The following WBP2NL variants were observed in gnomAD, a reference collection of about 807,000 sequenced individuals.
WBP2NL encodes postacrosomal sheath WW domain-binding protein.
WBP2NL carries 27 observed loss-of-function variants against 23.3 expected under a neutral mutation model. That is an observed-to-expected ratio of 1.16 (90% CI 0.85 to 1.60). The LOEUF (loss-of-function observed/expected upper bound fraction) is 1.60, where lower values mean the gene tolerates loss of function less well. WBP2NL is among the 40% of genes most tolerant of loss of function. The pLI is 0.00. For synonymous variants in WBP2NL, 151 were observed against 145.9 expected, an observed-to-expected ratio of 1.03 and a Z score of -0.25; for missense variants, 370 against 389.5, an observed-to-expected ratio of 0.95 and a Z score of 0.42.
At chr22:42,001,731 C>T in intron 1 of WBP2NL, 1 of 1,210,912 alleles carries the variant, frequency 8.3e-7, no homozygotes, top group South Asian at 1.2e-5. Context: ...GGGGAAGTAT[C>T]TGATGACACT....
chr22:42,017,837 C>T (rs1923455053), intron 1 of WBP2NL, among the ~76,000 whole-genome samples: 1 of 151,572 alleles, frequency 6.6e-6, no homozygotes, highest in African/African-American at 2.4e-5. Context: ...CATGGTGAAA[C>T]CTCATCTCTA....
chr22:42,002,438 G>A (rs1332218341), intron 1 of WBP2NL, among the ~76,000 whole-genome samples: 2 of 152,080 alleles, frequency 1.3e-5, no homozygotes, highest in Non-Finnish European at 2.9e-5. Context: ...ACAAAAATTA[G>A]CCAGGCATGG....
rs754303675 is a variant in WBP2NL, at chr22:42,022,372, G to C, written c.514+16G>C. ...CCTTGTTCAGGTAAGGTATGGCAGA[G>C]AGGTTCTTCCTGGAAGGTGGAAAAT... is the stretch of plus-strand genomic sequence containing the variant. On this transcript the variant is annotated intron_variant, in intron 5 of 5. Coordinates refer to ENST00000328823, the MANE Select transcript of WBP2NL (RefSeq NM_152613.3). 2 of 1,592,564 alleles carry C rather than the reference G, an allele frequency of 1.3e-6. No individual in the cohort carries two copies. Among genetic ancestry groups the C allele is most frequent in the East Asian group, 4.5e-5 (2 of 44,458 alleles).
intron 5 of WBP2NL, among the ~76,000 whole-genome samples, chr22:42,022,968 T>G (rs1351132697): frequency 6.6e-6 from 1 of 152,206 alleles, no homozygotes; most frequent in Non-Finnish European, 1.5e-5. Context: ...TTTGTAACCT[T>G]AATAGGTACC....
At chr22:42,057,171 C>A (rs1326819703) in intron 8 of WBP2NL, among the ~76,000 whole-genome samples, 3 of 152,168 alleles carry the variant, frequency 2.0e-5, no homozygotes, top group African/African-American at 7.2e-5. Context: ...TATATGGGTA[C>A]ATTTGGTGGT....
chr22:42,019,450 TTAACTC>T, intron 2 of WBP2NL, 31 bp downstream of exon 2: 3 of 1,598,432 alleles, frequency 1.9e-6, no homozygotes, highest in Non-Finnish European at 2.6e-6. Context: ...AATCTGCTGA[TTAACTC>T]TACATTTGTT....
At position 42,027,650 on chromosome 22, in the gene WBP2NL, T is replaced by TA. The variant is rs1243147193; in HGVS notation, c.*470dup. 1.8e-5 allele frequency: 5 copies of TA among 280,586 alleles called. No homozygotes were observed. Among genetic ancestry groups the TA allele is most frequent in the Non-Finnish European group, 2.6e-5 (4 of 152,770 alleles). 17.4% of individuals were successfully genotyped at this position (280,586 alleles called of 1,614,324 possible). A position where few individuals can be genotyped will look rare whatever the true frequency, so the allele number is the denominator to read the frequency against. ...ACGGTGGATCCACAAAATGGAGTAT[T>TA]ATACACCTGTTGAAAACTATGTCTA... On this transcript the variant is annotated 3_prime_UTR_variant, in exon 6 of 6. Coordinates refer to ENST00000328823, the MANE Select transcript of WBP2NL (RefSeq NM_152613.3).
intron 1 of WBP2NL, 64 bp from the exon 2 acceptor site, chr22:42,019,247 A>G (rs1422909658): frequency 2.6e-5 from 39 of 1,495,356 alleles, no homozygotes; most frequent in Non-Finnish European, 3.6e-5. Flanking sequence ...TGCGTTAAGA[A>G]CTTTATGTGT....
intron 1 of WBP2NL, chr22:42,001,292 C>G: frequency 2.9e-6 from 2 of 688,236 alleles, no homozygotes; most frequent in East Asian, 5.0e-5. Context: ...GGAAGTCAAC[C>G]CAGCAACGGC....
chr22:42,019,838 C>G lies in WBP2NL; in HGVS notation c.313+35C>G, dbSNP rs777045429. ...CCCTCAGAAGTGTGTATTTTTTTTTCCCTCAAAATCTTCTAAAAGGTTTAA... is the reference window on the plus strand; with the variant it reads ...CCCTCAGAAGTGTGTATTTTTTTTTGCCTCAAAATCTTCTAAAAGGTTTAA... On this transcript the variant is annotated intron_variant, in intron 3 of 5. Transcript: ENST00000328823. 1.9e-6 allele frequency: 3 copies of G among 1,605,228 alleles called. No homozygotes were observed. In the South Asian group the frequency reaches 3.4e-5, roughly 18 times the overall value.
chr22:42,001,713 C>A (rs1406839707), intron 1 of WBP2NL: 15 of 1,221,552 alleles, frequency 1.2e-5, no homozygotes, highest in Non-Finnish European at 1.6e-5. Flanking sequence ...AAGTTAAGAG[C>A]CTGGGTGGGG....
chr22:42,015,560 G>A (rs1923230466), intron 1 of WBP2NL, among the ~76,000 whole-genome samples: 1 of 151,872 alleles, frequency 6.6e-6, no homozygotes, highest in African/African-American at 2.4e-5. Flanking sequence ...CCACCACTAC[G>A]CCCAGCTAAT....
chr22:42,020,391 A>G (rs1003673365), intron 4 of WBP2NL, among the ~76,000 whole-genome samples: 2 of 152,128 alleles, frequency 1.3e-5, no homozygotes, highest in Non-Finnish European at 2.9e-5. Flanking sequence ...CTACTCAGCC[A>G]AGATTTGCTG....
At chr22:42,028,749 A>G (rs1303587788), downstream of WBP2NL, among the ~76,000 whole-genome samples, 3 of 152,226 alleles carry the variant, frequency 2.0e-5, no homozygotes, top group Non-Finnish European at 4.4e-5. Context: ...AAATTTCTGT[A>G]TATATTAAAG....
chr22:42,045,879 T>C (rs912087714), intron 8 of WBP2NL, among the ~76,000 whole-genome samples: 2 of 152,252 alleles, frequency 1.3e-5, no homozygotes, highest in Non-Finnish European at 2.9e-5. Context: ...GACTTTCCCA[T>C]TTTAAAATCT....
At chr22:42,022,378 C>A in intron 5 of WBP2NL, 22 bp downstream of exon 5, 1 of 1,581,414 alleles carries the variant, frequency 6.3e-7, no homozygotes, top group South Asian at 1.1e-5. Flanking sequence ...CAGAGAGGTT[C>A]TTCCTGGAAG....
downstream of WBP2NL, chr22:42,032,858 G>A: frequency 3.8e-6 from 1 of 265,094 alleles, no homozygotes; most frequent in Non-Finnish European, 8.2e-6. Context: ...TGATTTAGTA[G>A]CCAATATAAG....
chr22:42,001,191 T>C (rs1480364058), intron 1 of WBP2NL: 7 of 763,446 alleles, frequency 9.2e-6, no homozygotes, highest in Non-Finnish European at 1.7e-5. Flanking sequence ...GTAATCTTCC[T>C]CCAGCAGTCA....
downstream of WBP2NL, among the ~76,000 whole-genome samples, chr22:42,034,855 G>A (rs577380429): frequency 6.6e-6 from 1 of 152,216 alleles, no homozygotes; most frequent in Non-Finnish European, 1.5e-5. Flanking sequence ...CCGGCTCACC[G>A]GTGGTCAGAG....
Sources: gnomAD v4.1 joint callset for allele counts (sites outside exome capture counted in the v4.1 genomes callset) on GRCh38, gnomAD v4.1.1 for gene constraint, MANE v1.5 for transcripts, NCBI Gene and HGNC (gene_info 2026-07-23, HGNC 2026-07-21) for gene names.